EVA1C: variants seen among roughly 807,000 people sequenced by gnomAD.
EVA1C encodes the protein eva-1 homolog C, also known as protein eva-1 homolog C.
Under a neutral mutation model 45.4 loss-of-function variants are expected in EVA1C, and 25 were observed. That is an observed-to-expected ratio of 0.55 (90% CI 0.40 to 0.77). The LOEUF is 0.77. Ranked by LOEUF, EVA1C falls within the 30% of genes least tolerant of loss-of-function variation. EVA1C has a pLI of 0.00. For synonymous variants in EVA1C, 190 were observed against 221.2 expected (o/e 0.86, Z 1.25); for missense variants, 479 against 554.8 (o/e 0.86, Z 1.37).
At chr21:32,471,193 C>CT (rs949392827) in intron 4 of EVA1C, among the ~76,000 whole-genome samples, 4 of 151,532 alleles carry the variant, frequency 2.6e-5, no homozygotes, top group African/African-American at 9.7e-5. Flanking sequence ...AGGGGCTTCA[C>CT]TTTTTTTTTC....
chr21:32,458,639 G>A (rs953016519), intron 3 of EVA1C, among the ~76,000 whole-genome samples: 11 of 152,028 alleles, frequency 7.2e-5, no homozygotes, highest in Non-Finnish European at 1.5e-4. Context: ...GCACCACCAC[G>A]CCTGGCTAAT....
intron 1 of EVA1C, among the ~76,000 whole-genome samples, chr21:32,432,946 G>T (rs12481906): frequency 0.16 from 23,624 of 151,782 alleles, 1,939 homozygotes; most frequent in Admixed American, 0.23. Flanking sequence ...TGCCCAGGCT[G>T]ATCTTGAACT....
rs537142745 is a variant in EVA1C, at chr21:32,482,515, C to A, written c.635-12512C>A. On this transcript the variant is annotated intron_variant, in intron 4 of 7. Coordinates refer to ENST00000300255, the MANE Select transcript of EVA1C (RefSeq NM_058187.5). The stretch of plus-strand genomic sequence containing the variant: ...GACATGAGCTTCCTGCCTTCCCCTA[C>A]CTGCCCAGTCCCTGGGGTACCTCCT... 5.9e-5 allele frequency among the ~76,000 whole-genome samples: 9 copies of A among 152,328 alleles called. No individual in the cohort carries two copies. The South Asian group carries it at 1.7e-3, about 28-fold the overall frequency.
chr21:32,500,730 TG>T (rs2037500936), intron 5 of EVA1C, among the ~76,000 whole-genome samples: 2 of 151,954 alleles, frequency 1.3e-5, no homozygotes, highest in South Asian at 4.2e-4. Flanking sequence ...TGGTTTTGTG[TG>T]TGTGTGTGCG....
At chr21:32,447,076 C>T (rs1248571625) in intron 1 of EVA1C, among the ~76,000 whole-genome samples, 3 of 152,202 alleles carry the variant, frequency 2.0e-5, no homozygotes, top group African/African-American at 4.8e-5. Flanking sequence ...CCCCTTCAAA[C>T]TTGTCGGACC....
intron 1 of EVA1C, among the ~76,000 whole-genome samples, chr21:32,445,762 G>A (rs2833839): frequency 0.31 from 47,727 of 151,952 alleles, 7,818 homozygotes; most frequent in East Asian, 0.48. Context: ...AAGAACTTTG[G>A]TCTAAGCTGT....
chr21:32,491,622 T>A (rs1403386300), intron 4 of EVA1C, among the ~76,000 whole-genome samples: 1 of 139,560 alleles, frequency 7.2e-6, no homozygotes, highest in Non-Finnish European at 1.5e-5. Flanking sequence ...AGGCAGAGAT[T>A]GCAGTGAGCC....
At chr21:32,473,300 C>T (rs2036442349) in intron 4 of EVA1C, among the ~76,000 whole-genome samples, 1 of 152,212 alleles carries the variant, frequency 6.6e-6, no homozygotes. Context: ...TCTTAAATGT[C>T]TCCACCTTCT....
intron 4 of EVA1C, chr21:32,474,000 C>T: frequency 2.1e-6 from 2 of 967,270 alleles, no homozygotes; most frequent in Non-Finnish European, 2.5e-6. Context: ...CATCATAGCT[C>T]ACTGCAAGCC....
At position 32,470,906 on chromosome 21, in the gene EVA1C, C is replaced by A. The variant is rs754897926; in HGVS notation, c.634+3058C>A. On this transcript the variant is annotated intron_variant, in intron 4 of 7. Coordinates refer to ENST00000300255, the MANE Select transcript of EVA1C (RefSeq NM_058187.5). ...CAGGAGTAGCTGGGATTACAGGCGC[C>A]CGCCACCATGCCTGGCTGATTTTTG... is the stretch of plus-strand genomic sequence containing the variant. Among the ~76,000 whole-genome samples, 340 of 151,418 alleles carry A rather than the reference C, an allele frequency of 2.2e-3. 2 individuals are homozygous for A. The highest frequency in any genetic ancestry group is 3.8e-3 in the Non-Finnish European group (259 of 67,602).
chr21:32,490,376 G>T (rs1263958171), intron 4 of EVA1C, among the ~76,000 whole-genome samples: 2 of 152,108 alleles, frequency 1.3e-5, no homozygotes, highest in Non-Finnish European at 2.9e-5. Flanking sequence ...TGTCTTCAAG[G>T]TTCATCCAAG....
chr21:32,443,490 T>C (rs548616010), intron 1 of EVA1C, among the ~76,000 whole-genome samples: 6 of 152,188 alleles, frequency 3.9e-5, no homozygotes, highest in African/African-American at 1.4e-4. Flanking sequence ...TGAGCCAAGA[T>C]TGCGCCATTG....
intron 4 of EVA1C, among the ~76,000 whole-genome samples, chr21:32,476,535 G>A (rs951943899): frequency 9.9e-5 from 15 of 152,232 alleles, no homozygotes; most frequent in African/African-American, 2.2e-4. Flanking sequence ...CAGCCACTCC[G>A]GAGGCTGAGG....
rs752297633 is a variant in EVA1C at position 32,515,355 on chromosome 21, G to A, written c.*165G>A. 1.3e-5 allele frequency: 8 copies of A among 603,706 alleles called. No individual in the cohort carries two copies. Among genetic ancestry groups the A allele is most frequent in the Non-Finnish European group, 2.1e-5 (8 of 374,076 alleles). 37.4% of individuals were successfully genotyped at this position (603,706 alleles called of 1,614,324 possible). Reference sequence around the variant, plus strand: ...AAAGGGATGTTTCAAGCTGTTTCTAGCACATTCCAAAATAAATGAGGAGGG... The same window carrying A: ...AAAGGGATGTTTCAAGCTGTTTCTAACACATTCCAAAATAAATGAGGAGGG... On this transcript the variant is annotated 3_prime_UTR_variant, in exon 8 of 8. Transcript: ENST00000300255.
At position 32,484,237 on chromosome 21, in the gene EVA1C, T is replaced by A. The variant is rs144463991; in HGVS notation, c.635-10790T>A. On this transcript the variant is annotated intron_variant, in intron 4 of 7. Coordinates refer to ENST00000300255, the MANE Select transcript of EVA1C (RefSeq NM_058187.5). ...ATGTTGATGCTCTTGCAGAAGGAAC[T>A]ACCATTTAATATTTCTTGGGGTGGA... Among the ~76,000 whole-genome samples the A allele has an allele frequency of 2.4e-4, 37 of 152,208 alleles. No homozygotes were observed. The East Asian group carries it at 7.0e-3, about 29-fold the overall frequency.
intron 4 of EVA1C, among the ~76,000 whole-genome samples, chr21:32,473,472 C>T (rs377010653): frequency 3.3e-5 from 5 of 152,180 alleles, no homozygotes; most frequent in African/African-American, 1.2e-4. Flanking sequence ...TGAAAAAGCA[C>T]ACTGTTTTGA....
At chr21:32,505,173 T>C (rs746105334) in intron 7 of EVA1C, among the ~76,000 whole-genome samples, 6 of 152,132 alleles carry the variant, frequency 3.9e-5, no homozygotes, top group African/African-American at 7.2e-5. Flanking sequence ...CCAAACCATA[T>C]TGGGGAATGA....
intron 4 of EVA1C, among the ~76,000 whole-genome samples, chr21:32,481,805 G>A (rs73353081): frequency 0.087 from 13,267 of 152,040 alleles, 1,595 homozygotes; most frequent in African/African-American, 0.27. Flanking sequence ...TTTTCAACCA[G>A]CCAAAAATAC....
At chr21:32,448,195 G>C (rs2035435388) in intron 1 of EVA1C, among the ~76,000 whole-genome samples, 1 of 152,176 alleles carries the variant, frequency 6.6e-6, no homozygotes, top group Admixed American at 6.5e-5. Context: ...TGGAGGACCA[G>C]AGCATTTGGG....
Sources: allele counts gnomAD v4.1 joint callset (sites outside exome capture counted in the v4.1 genomes callset), GRCh38; gene constraint gnomAD v4.1.1; transcripts MANE v1.5; gene names NCBI Gene and HGNC (gene_info 2026-07-23, HGNC 2026-07-21).